The following MMP26 variants were observed in gnomAD, a reference collection of about 807,000 sequenced individuals.
The protein encoded by MMP26 is matrix metalloproteinase-26.
MMP26 carries 33 observed loss-of-function variants against 31.0 expected under a neutral mutation model. The ratio of observed to expected loss-of-function variants is 1.06; its 90% CI spans 0.81 to 1.42. The LOEUF (loss-of-function observed/expected upper bound fraction) is 1.42. MMP26 is among the 40% of genes most tolerant of loss of function. The pLI is 0.00. For missense variants in MMP26, 347 were observed against 316.1 expected, an observed-to-expected ratio of 1.10 and a Z score of -0.74; for synonymous variants, 122 against 114.9, an observed-to-expected ratio of 1.06 and a Z score of -0.40.
At chr11:4,924,128 G>C (rs1486360332) in intron 2 of MMP26, 1 of 1,583,428 alleles carries the variant, frequency 6.3e-7, no homozygotes, top group Non-Finnish European at 8.7e-7. Context: ...GCCTAAGTCT[G>C]TGACAGCTAG....
At chr11:4,981,816 T>G (rs1299647233) in intron 2 of MMP26, among the ~76,000 whole-genome samples, 2 of 151,024 alleles carry the variant, frequency 1.3e-5, no homozygotes, top group African/African-American at 2.5e-5. Context: ...TACTTTTAAG[T>G]TTTTTTCTTT....
chr11:4,913,292 T>C (rs1334981284), intron 2 of MMP26: 9 of 152,332 alleles, frequency 5.9e-5, no homozygotes, highest in East Asian at 1.9e-4. Context: ...ATGTCAGGTG[T>C]ACTAGATTGC....
chr11:4,828,209 C>T (rs1849603524), intron 2 of MMP26, among the ~76,000 whole-genome samples: 1 of 152,006 alleles, frequency 6.6e-6, no homozygotes, highest in Admixed American at 6.6e-5. Context: ...TTTTTGAAGC[C>T]ATTGTAGACT....
chr11:4,945,569 C>A (rs1020760255), intron 2 of MMP26: 1 of 154,904 alleles, frequency 6.5e-6, no homozygotes, highest in South Asian at 2.0e-4. Flanking sequence ...AGGCAGGGAA[C>A]TTAGCAATAT....
intron 1 of MMP26, among the ~76,000 whole-genome samples, chr11:4,758,936 A>C (rs1267837708): frequency 6.6e-6 from 1 of 151,500 alleles, no homozygotes; most frequent in Admixed American, 6.6e-5. Context: ...ACACAGAGAA[A>C]CCCCGTCTCT....
intron 2 of MMP26, among the ~76,000 whole-genome samples, chr11:4,956,950 T>C (rs1846452446): frequency 1.3e-5 from 2 of 152,222 alleles, no homozygotes; most frequent in South Asian, 4.1e-4. Flanking sequence ...CTTGAAATTT[T>C]TTAAATAATA....
chr11:4,889,736 TCATGGATGCCAAAGCAGTG>T (rs1181395297), intron 2 of MMP26: 1 of 153,628 alleles, frequency 6.5e-6, no homozygotes, highest in Non-Finnish European at 1.5e-5. Flanking sequence ...CCAAAGCAGT[TCATGGATGCCAAAGCAGTG>T]CATGGATGCC....
intron 2 of MMP26, chr11:4,848,517 A>G: frequency 6.2e-7 from 1 of 1,613,442 alleles, no homozygotes. Context: ...ACCTTGCAAC[A>G]CCTTGCCAAT....
chr11:4,760,936 A>G (rs1848563065), intron 1 of MMP26, among the ~76,000 whole-genome samples: 1 of 152,208 alleles, frequency 6.6e-6, no homozygotes, highest in Non-Finnish European at 1.5e-5. Context: ...ACATACATAT[A>G]AGAAGTATAA....
At chr11:4,788,478 C>G (rs1848978626) in intron 2 of MMP26, among the ~76,000 whole-genome samples, 1 of 151,968 alleles carries the variant, frequency 6.6e-6, no homozygotes, top group Non-Finnish European at 1.5e-5. Flanking sequence ...AAGCATTTTA[C>G]CAGTAATAGC....
At chr11:4,856,334 T>A (rs1247182391) in intron 2 of MMP26, among the ~76,000 whole-genome samples, 3 of 152,104 alleles carry the variant, frequency 2.0e-5, no homozygotes, top group African/African-American at 7.2e-5. Flanking sequence ...CCCATCTCAC[T>A]TGCAGAGACA....
At chr11:4,870,948 G>A (rs1240008623) in intron 2 of MMP26, among the ~76,000 whole-genome samples, 1 of 151,634 alleles carries the variant, frequency 6.6e-6, no homozygotes, top group African/African-American at 2.4e-5. Context: ...TTAAAGTAGA[G>A]GAAAAAAGAT....
intron 1 of MMP26, among the ~76,000 whole-genome samples, chr11:4,728,613 C>G (rs1356868926): frequency 6.6e-6 from 1 of 152,180 alleles, no homozygotes; most frequent in Non-Finnish European, 1.5e-5. Flanking sequence ...AATTAGTTTT[C>G]TGCATACAAA....
intron 2 of MMP26, among the ~76,000 whole-genome samples, chr11:4,855,634 T>C (rs1052988278): frequency 6.6e-6 from 1 of 152,094 alleles, no homozygotes; most frequent in Non-Finnish European, 1.5e-5. Context: ...TGGAATGAAG[T>C]TAGAAAACAC....
intron 2 of MMP26, among the ~76,000 whole-genome samples, chr11:4,779,542 T>C (rs1848831983): frequency 1.3e-5 from 2 of 152,082 alleles, no homozygotes; most frequent in African/African-American, 4.8e-5. Context: ...GTTTGTACAA[T>C]TAGTATTTTT....
intron 2 of MMP26, among the ~76,000 whole-genome samples, chr11:4,888,635 G>A (rs896714614): frequency 7.2e-5 from 11 of 152,036 alleles, no homozygotes; most frequent in African/African-American, 1.2e-4. Flanking sequence ...GAACTTTGCC[G>A]TAACATAGAA....
In MMP26 at chr11:4,882,956, T is replaced by C. The variant is rs187486260; in HGVS notation, c.-144-105112T>C. 3.2e-3 allele frequency: 3,808 copies of C among 1,202,862 alleles called. 13 individuals carry two copies. Among genetic ancestry groups the C allele is most frequent in the Non-Finnish European group, 3.4e-3 (2,933 of 852,024 alleles). 74.5% of individuals were successfully genotyped at this position (1,202,862 alleles called of 1,614,324 possible). ...CTTGGGGCAGTCTTATCCACAGGTG[T>C]TTTGGTTGCTGAGTCAATTCCAATT... On this transcript the variant is annotated intron_variant, in intron 2 of 7. Coordinates refer to ENST00000380390, the MANE Select transcript of MMP26 (RefSeq NM_021801.5).
intron 2 of MMP26, chr11:4,821,462 T>C: frequency 6.2e-7 from 1 of 1,613,780 alleles, no homozygotes; most frequent in African/African-American, 1.3e-5. Context: ...CCTCTGATCT[T>C]CCTCCTGATG....
intron 1 of MMP26, among the ~76,000 whole-genome samples, chr11:4,735,969 T>G (rs936392319): frequency 1.3e-5 from 2 of 152,170 alleles, no homozygotes; most frequent in Admixed American, 6.5e-5. Flanking sequence ...TCATTGTTCA[T>G]TCCTTAAGAG....
Sources: allele counts gnomAD v4.1 joint callset (sites outside exome capture counted in the v4.1 genomes callset), GRCh38; gene constraint gnomAD v4.1.1; transcripts MANE v1.5; gene names NCBI Gene and HGNC (gene_info 2026-07-23, HGNC 2026-07-21).